FRMD4A: variants seen among roughly 807,000 people sequenced by gnomAD.
The protein encoded by FRMD4A is FERM domain-containing protein 4A.
A neutral mutation model predicts 129.1 loss-of-function variants in FRMD4A; 29 were observed. The observed-to-expected ratio is 0.22, with a 90% CI of 0.17 to 0.31. FRMD4A has a LOEUF of 0.31. Ranked by LOEUF, FRMD4A falls within the 10% of genes least tolerant of loss-of-function variation. The pLI is 1.00. For missense variants in FRMD4A, 1,272 were observed against 1,375.8 expected, an observed-to-expected ratio of 0.92 and a Z score of 1.19; for synonymous variants, 634 against 571.6, an observed-to-expected ratio of 1.11 and a Z score of -1.56.
chr10:14,217,436 G>A lies in FRMD4A; in HGVS notation c.45+112622C>T, dbSNP rs192514910. Among the ~76,000 whole-genome samples, 9 of 152,298 alleles carry A rather than the reference G, an allele frequency of 5.9e-5. No homozygotes were observed. In the East Asian group the frequency reaches 1.7e-3, roughly 29 times the overall value. ...GGGAGATGTGATGGTTTGATAAGGGGAAACCCCTTTCGTCTGGGTTCCACT... is the reference window on the plus strand; with the variant it reads ...GGGAGATGTGATGGTTTGATAAGGGAAAACCCCTTTCGTCTGGGTTCCACT... On this transcript the variant is annotated intron_variant, in intron 2 of 24. Coordinates refer to ENST00000357447, the MANE Select transcript of FRMD4A (RefSeq NM_018027.5).
chr10:14,291,182 A>G (rs918294286), intron 2 of FRMD4A, among the ~76,000 whole-genome samples: 1 of 152,186 alleles, frequency 6.6e-6, no homozygotes, highest in Non-Finnish European at 1.5e-5. Context: ...ATATAGATTC[A>G]GAACACTGGA....
In FRMD4A at chr10:14,330,319, A is replaced by AG. The variant is rs1843469534; in HGVS notation, c.-81-137_-81-136insC. 4.8e-5 allele frequency: 26 copies of AG among 545,460 alleles called. No homozygotes were observed. The South Asian group carries it at 6.9e-4, about 14-fold the overall frequency. The allele number at this position is 545,460 out of a possible 1,614,324, so 33.8% of individuals were successfully genotyped here. ...TGTGCTTAGGGAGGAAAAAAAAAAA[A>AG]AGAAGAAGGAAAATAGGAAGCTGCA... On this transcript the variant is annotated intron_variant, in intron 1 of 24. Coordinates refer to ENST00000357447, the MANE Select transcript of FRMD4A (RefSeq NM_018027.5).
At chr10:13,748,643 G>A (rs913180237) in intron 8 of FRMD4A, among the ~76,000 whole-genome samples, 6 of 152,030 alleles carry the variant, frequency 3.9e-5, no homozygotes, top group Non-Finnish European at 7.4e-5. Context: ...AGTGTGAACT[G>A]CGTTGTCTGG....
chr10:13,756,221 TG>T (rs1406068263), intron 8 of FRMD4A: 3 of 152,248 alleles, frequency 2.0e-5, no homozygotes, highest in Non-Finnish European at 2.9e-5. Context: ...ATAGAACAGA[TG>T]TTTTTTACTT....
chr10:13,858,563 C>T (rs1180531569), intron 3 of FRMD4A, among the ~76,000 whole-genome samples: 2 of 152,238 alleles, frequency 1.3e-5, no homozygotes, highest in African/African-American at 2.4e-5. Context: ...TTAACTCCTT[C>T]CAGGCAGAAA....
intron 2 of FRMD4A, among the ~76,000 whole-genome samples, chr10:13,861,901 A>G (rs1366308858): frequency 6.6e-6 from 1 of 152,256 alleles, no homozygotes; most frequent in African/African-American, 2.4e-5. Flanking sequence ...TGTATAAATG[A>G]TTCCTTCATC....
At chr10:13,972,062 G>A in intron 2 of FRMD4A, 1 of 1,144,594 alleles carries the variant, frequency 8.7e-7, no homozygotes, top group Non-Finnish European at 1.1e-6. Flanking sequence ...TTGTCTCTGG[G>A]GACTCACCAG....
At chr10:14,193,015 T>C (rs1362468935) in intron 2 of FRMD4A, among the ~76,000 whole-genome samples, 1 of 152,222 alleles carries the variant, frequency 6.6e-6, no homozygotes, top group African/African-American at 2.4e-5. Flanking sequence ...CATCAAGGAC[T>C]GCACTGTTAT....
intron 2 of FRMD4A, among the ~76,000 whole-genome samples, chr10:14,273,182 G>C (rs758819414): frequency 6.6e-6 from 1 of 152,060 alleles, no homozygotes; most frequent in African/African-American, 2.4e-5. Context: ...GCTTGAGCTT[G>C]GGAGGTGGAG....
intron 2 of FRMD4A, among the ~76,000 whole-genome samples, chr10:14,030,601 AC>A (rs1378205725): frequency 7.2e-5 from 11 of 152,236 alleles, no homozygotes. Flanking sequence ...CATATAGACA[AC>A]AAGCTGCCTG....
chr10:13,794,391 CAAAAAAAAAA>C (rs5783349), intron 5 of FRMD4A, among the ~76,000 whole-genome samples: 1 of 102,936 alleles, frequency 9.7e-6, no homozygotes, highest in African/African-American at 3.8e-5. Context: ...GAATCCGTCT[CAAAAAAAAAA>C]AAAAAAAAAA....
intron 3 of FRMD4A, among the ~76,000 whole-genome samples, chr10:13,822,552 T>G (rs974642439): frequency 6.6e-6 from 1 of 152,152 alleles, no homozygotes; most frequent in Non-Finnish European, 1.5e-5. Context: ...GGGTGGCATA[T>G]GCAGTTGTTC....
intron 2 of FRMD4A, among the ~76,000 whole-genome samples, chr10:14,101,085 G>A (rs1028438594): frequency 1.3e-5 from 2 of 152,024 alleles, no homozygotes; most frequent in Non-Finnish European, 2.9e-5. Flanking sequence ...CTACCAAAAC[G>A]GCTCTGTGTT....
intron 14 of FRMD4A, among the ~76,000 whole-genome samples, chr10:13,700,111 C>CT (rs113984358): frequency 0.019 from 2,842 of 149,456 alleles, 73 homozygotes; most frequent in African/African-American, 0.063. Flanking sequence ...CTCTTTTCTT[C>CT]TTTTTTTTTT....
chr10:14,285,800 C>A (rs373452633), intron 2 of FRMD4A, among the ~76,000 whole-genome samples: 1 of 152,320 alleles, frequency 6.6e-6, no homozygotes, highest in African/African-American at 2.4e-5. Context: ...CATGATCCGA[C>A]GTCAGGGATC....
intron 2 of FRMD4A, among the ~76,000 whole-genome samples, chr10:13,945,964 C>T (rs929802333): frequency 6.6e-6 from 1 of 152,202 alleles, no homozygotes; most frequent in Admixed American, 6.5e-5. Context: ...AGAGCACAGG[C>T]ATTATTTACA....
At chr10:14,027,195 CA>C (rs1312001391) in intron 2 of FRMD4A, among the ~76,000 whole-genome samples, 1 of 152,190 alleles carries the variant, frequency 6.6e-6, no homozygotes, top group Non-Finnish European at 1.5e-5. Flanking sequence ...TTTGTTTCAT[CA>C]ACCCTCTTCC....
chr10:14,183,719 T>C (rs905139595), intron 2 of FRMD4A, among the ~76,000 whole-genome samples: 8 of 152,166 alleles, frequency 5.3e-5, no homozygotes, highest in African/African-American at 1.9e-4. Flanking sequence ...TATCTAAATA[T>C]GTTCATTAAA....
At chr10:14,242,767 A>G (rs1276679654) in intron 2 of FRMD4A, among the ~76,000 whole-genome samples, 1 of 152,236 alleles carries the variant, frequency 6.6e-6, no homozygotes, top group Non-Finnish European at 1.5e-5. Flanking sequence ...GGGAGTCAGA[A>G]GTCAAAGAGA....
Sources: allele counts gnomAD v4.1 joint callset (sites outside exome capture counted in the v4.1 genomes callset), GRCh38; gene constraint gnomAD v4.1.1; transcripts MANE v1.5; gene names NCBI Gene and HGNC (gene_info 2026-07-23, HGNC 2026-07-21).